TRPC4: variants seen among roughly 807,000 people sequenced by gnomAD.
The protein encoded by TRPC4 is transient receptor potential cation channel subfamily C member 4.
A neutral mutation model predicts 99.4 loss-of-function variants in TRPC4; 49 were observed. The observed-to-expected ratio is 0.49, with a 90% confidence interval of 0.39 to 0.63. TRPC4 has a LOEUF of 0.63. TRPC4 is among the 20% of genes least tolerant of loss of function. TRPC4 has a pLI of 0.00. For synonymous variants in TRPC4, 454 were observed against 425.9 expected (o/e 1.07, Z -0.81); for missense variants, 898 against 1,152.9 (o/e 0.78, Z 3.20).
At chr13:37,679,577 T>A (rs960258285) in intron 4 of TRPC4, among the ~76,000 whole-genome samples, 2 of 151,726 alleles carry the variant, frequency 1.3e-5, no homozygotes, top group Admixed American at 1.3e-4. Context: ...AGTTTTGTTT[T>A]TATATTTTGT....
chr13:37,745,464 A>G (rs1955728458), intron 3 of TRPC4, among the ~76,000 whole-genome samples: 68 of 3,120 alleles, frequency 0.022, 1 homozygote, highest in Middle Eastern at 0.17. Flanking sequence ...ATATATATAT[A>G]TATATATATA....
chr13:37,852,999 C>T (rs774822631), intron 1 of TRPC4, among the ~76,000 whole-genome samples: 6 of 152,146 alleles, frequency 3.9e-5, no homozygotes, highest in Non-Finnish European at 8.8e-5. Flanking sequence ...CCCTGACTTT[C>T]AGAAACCATC....
intron 3 of TRPC4, among the ~76,000 whole-genome samples, chr13:37,745,461 TATATATATATATAC>T (rs1181511296): frequency 0.052 from 801 of 15,456 alleles, 14 homozygotes; most frequent in East Asian, 0.16. Flanking sequence ...TATATATATA[TATATATATATATAC>T]ACACACACAC....
intron 1 of TRPC4, among the ~76,000 whole-genome samples, chr13:37,823,866 A>T (rs1326223873): frequency 6.6e-6 from 1 of 150,444 alleles, no homozygotes; most frequent in African/African-American, 2.4e-5. Flanking sequence ...CTTGGGCAGT[A>T]TGGCCATTTT....
chr13:37,843,002 A>G (rs910937011), intron 1 of TRPC4, among the ~76,000 whole-genome samples: 1 of 152,234 alleles, frequency 6.6e-6, no homozygotes, highest in African/African-American at 2.4e-5. Flanking sequence ...GCTGATAAGA[A>G]AAACAAAGGC....
intron 3 of TRPC4, among the ~76,000 whole-genome samples, chr13:37,727,250 G>A (rs1432185883): frequency 6.6e-6 from 1 of 151,952 alleles, no homozygotes; most frequent in Non-Finnish European, 1.5e-5. Context: ...GAACACAAGA[G>A]GATGAAGTTG....
chr13:37,837,623 T>C (rs116992163), intron 1 of TRPC4, among the ~76,000 whole-genome samples: 1,884 of 152,320 alleles, frequency 0.012, 23 homozygotes, highest in Non-Finnish European at 0.021. Context: ...TCCCACTGTA[T>C]TTAGGAAATA....
intron 7 of TRPC4, among the ~76,000 whole-genome samples, chr13:37,651,942 T>C (rs1422940823): frequency 1.3e-5 from 2 of 152,256 alleles, no homozygotes; most frequent in African/African-American, 2.4e-5. Context: ...TGAATATTAT[T>C]GCCCACCTTC....
chr13:37,756,292 G>T (rs1956094810), intron 2 of TRPC4, among the ~76,000 whole-genome samples: 1 of 144,170 alleles, frequency 6.9e-6, no homozygotes, highest in African/African-American at 2.5e-5. Context: ...GGATGAATAA[G>T]TTAGGTTACA....
intron 2 of TRPC4, among the ~76,000 whole-genome samples, chr13:37,757,791 G>T (rs1412039852): frequency 1.3e-5 from 2 of 151,858 alleles, no homozygotes; most frequent in African/African-American, 4.8e-5. Flanking sequence ...AACAACCAGA[G>T]AAATTTCTTA....
intron 4 of TRPC4, among the ~76,000 whole-genome samples, chr13:37,681,163 G>A (rs1028129183): frequency 1.3e-5 from 2 of 152,182 alleles, no homozygotes; most frequent in Admixed American, 1.3e-4. Flanking sequence ...CTCGTCCGAT[G>A]GGTTAAAGGA....
Position 37,712,494 on chromosome 13 carries a change from C to T in TRPC4, c.898-20159G>A, listed in dbSNP as rs148468382. Among the ~76,000 whole-genome samples the T allele has an allele frequency of 6.3e-3, 964 of 152,226 alleles. 2 individuals are homozygous for T. Among genetic ancestry groups the T allele is most frequent in the Middle Eastern group, 0.014 (4 of 294 alleles). On this transcript the variant is annotated intron_variant, in intron 3 of 10. Transcript: ENST00000379705. ...TTTTCATTGTCACGCTATCAGTGAG[C>T]GATCACTGGTGTTAATAGTTCCTAT...
intron 3 of TRPC4, among the ~76,000 whole-genome samples, chr13:37,729,190 A>G (rs1955163819): frequency 1.3e-5 from 2 of 151,426 alleles, no homozygotes; most frequent in African/African-American, 2.4e-5. Flanking sequence ...TGTTTTTCCA[A>G]AGAAGATATA....
At chr13:37,742,063 T>C (rs1955608671) in intron 3 of TRPC4, among the ~76,000 whole-genome samples, 1 of 152,172 alleles carries the variant, frequency 6.6e-6, no homozygotes, top group South Asian at 2.1e-4. Flanking sequence ...AAGATGTTTG[T>C]TCTGCTAATA....
chr13:37,846,724 T>C (rs895845387), intron 1 of TRPC4, among the ~76,000 whole-genome samples: 4 of 151,896 alleles, frequency 2.6e-5, no homozygotes, highest in Non-Finnish European at 5.9e-5. Context: ...AGTAATTACC[T>C]CAAGTGTAAA....
chr13:37,835,745 A>G (rs1958547765), intron 1 of TRPC4, among the ~76,000 whole-genome samples: 1 of 152,258 alleles, frequency 6.6e-6, no homozygotes, highest in South Asian at 2.1e-4. Flanking sequence ...TTCAACACAT[A>G]AGGTGCATGA....
At chr13:37,644,958 T>G (rs912767794) in intron 8 of TRPC4, among the ~76,000 whole-genome samples, 3 of 151,402 alleles carry the variant, frequency 2.0e-5, no homozygotes, top group Non-Finnish European at 4.4e-5. Flanking sequence ...GGTTGTGAGT[T>G]GTGTTTAAGA....
chr13:37,803,487 C>T (rs1957456792), intron 1 of TRPC4, among the ~76,000 whole-genome samples: 1 of 152,048 alleles, frequency 6.6e-6, no homozygotes, highest in African/African-American at 2.4e-5. Context: ...AAACTCCAGT[C>T]TATCACTACA....
chr13:37,836,859 CA>C (rs1958580097), intron 1 of TRPC4, among the ~76,000 whole-genome samples: 2 of 152,182 alleles, frequency 1.3e-5, no homozygotes, highest in Non-Finnish European at 2.9e-5. Flanking sequence ...GAGAGGTCTT[CA>C]TGGCAGCCCC....
Sources: gnomAD v4.1 joint callset for allele counts (sites outside exome capture counted in the v4.1 genomes callset) on GRCh38, gnomAD v4.1.1 for gene constraint, MANE v1.5 for transcripts, NCBI Gene and HGNC (gene_info 2026-07-23, HGNC 2026-07-21) for gene names.